TTLL5: variants seen among roughly 807,000 people sequenced by gnomAD.
The protein encoded by TTLL5 is tubulin tyrosine ligase like 5, also known as tubulin polyglutamylase TTLL5.
A neutral mutation model predicts 168.4 loss-of-function variants in TTLL5; 132 were observed. The ratio of observed to expected loss-of-function variants is 0.78; its 90% CI spans 0.68 to 0.91. The LOEUF is 0.91. Ranked by LOEUF, TTLL5 falls within the 40% of genes least tolerant of loss-of-function variation. TTLL5 has a pLI of 0.00. For missense variants in TTLL5, 1,545 were observed against 1,581.5 expected, an observed-to-expected ratio of 0.98 and a Z score of 0.39; for synonymous variants, 546 against 558.6, an observed-to-expected ratio of 0.98 and a Z score of 0.32.
At chr14:75,828,703 C>G (rs554698436) in intron 28 of TTLL5, among the ~76,000 whole-genome samples, 54 of 152,216 alleles carry the variant, frequency 3.5e-4, no homozygotes, top group Admixed American at 7.2e-4. Flanking sequence ...AATGAAAGAC[C>G]CTGCCTATAC....
chr14:75,754,432 G>A (rs1294365175), intron 18 of TTLL5, among the ~76,000 whole-genome samples: 1 of 152,128 alleles, frequency 6.6e-6, no homozygotes, highest in Non-Finnish European at 1.5e-5. Context: ...GTTTGCTTAA[G>A]ACAGGTAGTT....
intron 31 of TTLL5, among the ~76,000 whole-genome samples, chr14:75,947,765 T>C (rs1003628450): frequency 6.6e-6 from 1 of 151,926 alleles, no homozygotes; most frequent in African/African-American, 2.4e-5. Context: ...GGCAACAAAG[T>C]GAGACCGTCT....
At chr14:75,935,635 G>A (rs2140179813) in intron 31 of TTLL5, among the ~76,000 whole-genome samples, 1 of 152,314 alleles carries the variant, frequency 6.6e-6, no homozygotes, top group Non-Finnish European at 1.5e-5. Flanking sequence ...GAAAGTAGAT[G>A]TTTATGTTGT....
chr14:75,733,789 G>C (rs1179734744), intron 13 of TTLL5, among the ~76,000 whole-genome samples, 200 bp from the exon 14 acceptor site: 1 of 152,150 alleles, frequency 6.6e-6, no homozygotes, highest in East Asian at 1.9e-4. Flanking sequence ...GCATTACAGA[G>C]GACGAATTTA....
At chr14:75,905,335 T>G (rs961358869) in intron 31 of TTLL5, among the ~76,000 whole-genome samples, 3 of 152,250 alleles carry the variant, frequency 2.0e-5, no homozygotes, top group Admixed American at 6.5e-5. Context: ...CCTGCCAGGC[T>G]TTCGGCTGTG....
intron 6 of TTLL5, among the ~76,000 whole-genome samples, chr14:75,694,375 C>T (rs575778866): frequency 1.1e-4 from 17 of 152,252 alleles, no homozygotes; most frequent in African/African-American, 3.6e-4. Context: ...CTTACTCTAT[C>T]GCCCAGGCTG....
At chr14:75,731,374 T>TAC (rs3031047) in intron 12 of TTLL5, among the ~76,000 whole-genome samples, 3,388 of 139,246 alleles carry the variant, frequency 0.024, 51 homozygotes, top group East Asian at 0.046. Flanking sequence ...TACACATACA[T>TAC]ACACACACAC....
At chr14:75,855,647 A>G (rs913749617) in intron 28 of TTLL5, among the ~76,000 whole-genome samples, 5 of 152,200 alleles carry the variant, frequency 3.3e-5, no homozygotes, top group African/African-American at 4.8e-5. Context: ...AATTCTATGT[A>G]GAAAGTTTTC....
rs1204728506 is a variant in TTLL5, at chr14:75,690,072, A to G, written c.372-120A>G. Reference sequence around the variant, plus strand: ...TTGGATTAACAGCGATATGTTTAGGATACAATACTATCTTCACTAACCGGT... The same window carrying G: ...TTGGATTAACAGCGATATGTTTAGGGTACAATACTATCTTCACTAACCGGT... On this transcript the variant is annotated intron_variant, in intron 5 of 31. Transcript: ENST00000298832. 3.7e-6 allele frequency: 4 copies of G among 1,070,900 alleles called. No homozygotes were observed. The Admixed American group carries it at 8.1e-5, about 22-fold the overall frequency. The allele number at this position is 1,070,900 out of a possible 1,614,324, so 66.3% of individuals were successfully genotyped here.
intron 7 of TTLL5, among the ~76,000 whole-genome samples, chr14:75,705,746 T>C (rs1432536457): frequency 2.0e-5 from 3 of 152,252 alleles, no homozygotes; most frequent in Admixed American, 1.3e-4. Flanking sequence ...CTGTTGCCTT[T>C]ACTGTAGCTA....
intron 30 of TTLL5, among the ~76,000 whole-genome samples, chr14:75,892,098 A>G (rs2032430028): frequency 6.6e-6 from 1 of 152,204 alleles, no homozygotes; most frequent in Non-Finnish European, 1.5e-5. Flanking sequence ...CCTCAACACT[A>G]ATAACTCTAA....
At position 75,813,270 on chromosome 14, in the gene TTLL5, TTGTG is replaced by T. The variant is rs58821426; in HGVS notation, c.3172-6693_3172-6690del. Among the ~76,000 whole-genome samples, 658 of 130,708 alleles carry T rather than the reference TTGTG, an allele frequency of 5.0e-3. 4 individuals are homozygous for T. Among genetic ancestry groups the T allele is most frequent in the African/African-American group, 0.015 (524 of 34,206 alleles). 85.7% of individuals were successfully genotyped at this position (130,708 alleles called of 152,430 possible). ...TATTATCCAGGCACTGTGTGTGTGT[TTGTG>T]TGTGTGTGTGTGTGTGTGTGTGTGT... is the stretch of plus-strand genomic sequence containing the variant. On this transcript the variant is annotated intron_variant, in intron 27 of 31. Coordinates refer to ENST00000298832, the MANE Select transcript of TTLL5 (RefSeq NM_015072.5).
chr14:75,854,208 C>G (rs1046343368), intron 28 of TTLL5, among the ~76,000 whole-genome samples: 1 of 152,170 alleles, frequency 6.6e-6, no homozygotes, highest in Non-Finnish European at 1.5e-5. Context: ...TGCCCCTCCC[C>G]ACTAGTAATC....
chr14:75,905,250 G>A lies in TTLL5; in HGVS notation c.3823+3026G>A, dbSNP rs542745668. On this transcript the variant is annotated intron_variant, in intron 31 of 31. Transcript: ENST00000298832. The stretch of plus-strand genomic sequence containing the variant: ...CCATCTGGTCCAGTTAATTCAATCC[G>A]TTAAACATGATATTGAGTCCAAGAC... 5.3e-5 allele frequency among the ~76,000 whole-genome samples: 8 copies of A among 152,280 alleles called. No homozygotes were observed. The East Asian group carries it at 9.6e-4, about 18-fold the overall frequency.
At chr14:75,686,334 C>T (rs1885048317) in intron 5 of TTLL5, among the ~76,000 whole-genome samples, 1 of 152,148 alleles carries the variant, frequency 6.6e-6, no homozygotes, top group African/African-American at 2.4e-5. Flanking sequence ...AACTTTGCCT[C>T]TTCTATATCC....
chr14:75,857,112 T>G (rs1053966574), intron 28 of TTLL5, among the ~76,000 whole-genome samples: 1 of 152,236 alleles, frequency 6.6e-6, no homozygotes, highest in African/African-American at 2.4e-5. Context: ...AATAATATCT[T>G]TTTTTCTTGT....
intron 28 of TTLL5, among the ~76,000 whole-genome samples, chr14:75,857,628 T>C (rs915494618): frequency 1.3e-5 from 2 of 151,884 alleles, no homozygotes; most frequent in African/African-American, 4.8e-5. Context: ...TATTTCTTCT[T>C]GTTTGATAGA....
intron 27 of TTLL5, among the ~76,000 whole-genome samples, chr14:75,794,787 AAG>A (rs1418535854): frequency 2.0e-5 from 3 of 152,176 alleles, no homozygotes; most frequent in African/African-American, 7.2e-5. Flanking sequence ...GTAGTGGAGA[AAG>A]AGCTAGATTA....
chr14:75,786,154 A>T (rs1440046367), intron 26 of TTLL5, among the ~76,000 whole-genome samples: 5 of 152,194 alleles, frequency 3.3e-5, no homozygotes, highest in African/African-American at 1.2e-4. Flanking sequence ...ATATATACAT[A>T]TGTATATATC....
Sources: gnomAD v4.1 joint callset for allele counts (sites outside exome capture counted in the v4.1 genomes callset) on GRCh38, gnomAD v4.1.1 for gene constraint, MANE v1.5 for transcripts, NCBI Gene and HGNC (gene_info 2026-07-23, HGNC 2026-07-21) for gene names.